The following EEF2K variants were observed in gnomAD, a reference collection of about 807,000 sequenced individuals.
The protein encoded by EEF2K is eukaryotic elongation factor 2 kinase.
In EEF2K, 70 loss-of-function variants were observed where a neutral mutation model predicts 93.8. The observed-to-expected ratio is 0.75, with a 90% CI of 0.62 to 0.91. The LOEUF (loss-of-function observed/expected upper bound fraction) is 0.91, where lower values mean the gene tolerates loss of function less well. Ranked by LOEUF, EEF2K falls within the 40% of genes least tolerant of loss-of-function variation. The probability of loss-of-function intolerance (pLI) is 0.00; values close to 1 mark genes in which losing one functional copy is unlikely to be tolerated. For missense variants in EEF2K, 935 were observed against 972.9 expected, an observed-to-expected ratio of 0.96 and a Z score of 0.52; for synonymous variants, 376 against 380.8, an observed-to-expected ratio of 0.99 and a Z score of 0.15.
At chr16:22,265,153 G>A (rs2047505004) in intron 13 of EEF2K, 4 of 358,374 alleles carry the variant, frequency 1.1e-5, no homozygotes, top group Non-Finnish European at 1.6e-5. Flanking sequence ...TTAAGTGCCT[G>A]CCATGAAGGC....
At chr16:22,268,371 A>G (rs769897328) in intron 15 of EEF2K, among the ~76,000 whole-genome samples, 1 of 151,808 alleles carries the variant, frequency 6.6e-6, no homozygotes, top group Non-Finnish European at 1.5e-5. Flanking sequence ...GAGCTTCACC[A>G]TGTTGGCCAG....
rs2047503032 is a variant in EEF2K at position 22,264,937 on chromosome 16, G to C, written c.1440+57G>C. ...CTCTTCCCTGTCTCCTCCAGGCTCT[G>C]TTGCTGTTTCTCCTGTCTCATATCT... On this transcript the variant is annotated intron_variant, in intron 13 of 17. Coordinates refer to ENST00000263026, the MANE Select transcript of EEF2K (RefSeq NM_013302.5). 4 of 1,595,304 alleles carry C rather than the reference G, an allele frequency of 2.5e-6. No homozygotes were observed. The South Asian group carries it at 4.4e-5, about 18-fold the overall frequency.
At chr16:22,263,006 T>A in intron 11 of EEF2K, 104 bp from the exon 12 acceptor site, 1 of 1,039,316 alleles carries the variant, frequency 9.6e-7, no homozygotes, top group Non-Finnish European at 1.4e-6. Flanking sequence ...TGTTAGGTAA[T>A]GGGACAGAGG....
At chr16:22,247,977 A>G (rs1466316425) in intron 3 of EEF2K, among the ~76,000 whole-genome samples, 1 of 152,184 alleles carries the variant, frequency 6.6e-6, no homozygotes, top group Non-Finnish European at 1.5e-5. Context: ...TACGGAGACC[A>G]GTTATGATCA....
intron 3 of EEF2K, among the ~76,000 whole-genome samples, chr16:22,245,377 C>G (rs909478460): frequency 6.6e-6 from 1 of 152,182 alleles, no homozygotes; most frequent in African/African-American, 2.4e-5. Flanking sequence ...CCATGTCATT[C>G]AAGCATCAAC....
intron 10 of EEF2K, 60 bp from the exon 11 acceptor site, chr16:22,260,402 T>G: frequency 6.2e-7 from 1 of 1,601,314 alleles, no homozygotes; most frequent in Non-Finnish European, 8.6e-7. Context: ...GGCCGTGGGT[T>G]GGTCTTATGC....
chr16:22,217,228 T>TAGAG (rs146522060), intron 1 of EEF2K, among the ~76,000 whole-genome samples: 2,204 of 136,064 alleles, frequency 0.016, 18 homozygotes, highest in Non-Finnish European at 0.021. Flanking sequence ...GATAGATAGA[T>TAGAG]AGAGAGAGAG....
chr16:22,278,705 T>C (rs1264183510), intron 16 of EEF2K, among the ~76,000 whole-genome samples: 1 of 152,128 alleles, frequency 6.6e-6, no homozygotes, highest in African/African-American at 2.4e-5. Flanking sequence ...ATTTGCTCTT[T>C]CCTGATATAC....
intron 6 of EEF2K, among the ~76,000 whole-genome samples, chr16:22,251,867 C>T (rs1278767479): frequency 1.3e-5 from 2 of 152,096 alleles, no homozygotes; most frequent in East Asian, 3.9e-4. Context: ...AATTACAGCT[C>T]ACTGCAGCCT....
chr16:22,209,466 T>C (rs2046894539), intron 1 of EEF2K, among the ~76,000 whole-genome samples: 1 of 152,192 alleles, frequency 6.6e-6, no homozygotes, highest in Non-Finnish European at 1.5e-5. Flanking sequence ...CAGCAGAAGC[T>C]TGGACTTGTT....
chr16:22,228,210 T>A (rs77642475), intron 2 of EEF2K, among the ~76,000 whole-genome samples: 5,801 of 152,232 alleles, frequency 0.038, 148 homozygotes, highest in Middle Eastern at 0.092. Context: ...TTTCCCTCTC[T>A]GTTGCCACAT....
chr16:22,280,064 G>T, intron 16 of EEF2K, 134 bp from the exon 17 acceptor site: 1 of 779,104 alleles, frequency 1.3e-6, no homozygotes, highest in Non-Finnish European at 1.9e-6. Flanking sequence ...TATTGGCCTT[G>T]GACAAGATAG....
rs201214793 is a variant in EEF2K, at chr16:22,225,901, A to G, written c.172A>G (p.Lys58Glu). ...CCAGAATGTCAATTCCAAGGTTAAT[A>G]AGTACTACAGCAACCTAACAAAAAG... ...SNQNVNSKVNKYYSNLTKSER... is the reference protein window; with the variant it reads ...SNQNVNSKVNEYYSNLTKSER... The change falls in exon 2 of 18, where the codon AAG (lysine) becomes GAG (glutamate). Residue 58 changes from lysine to glutamate, a missense_variant. Physicochemically the swap from Lys to Glu is moderately conservative, Grantham distance 56 (BLOSUM62 1). Transcript: ENST00000263026. 6.2e-6 allele frequency: 10 copies of G among 1,614,194 alleles called. 1 individual carries two copies. The highest frequency in any genetic ancestry group is 1.6e-4 in the Middle Eastern group (1 of 6,062).
intron 11 of EEF2K, 121 bp downstream of exon 11, chr16:22,260,650 G>A: frequency 8.4e-7 from 1 of 1,192,804 alleles, no homozygotes; most frequent in Non-Finnish European, 1.2e-6. Flanking sequence ...CTGCCAGGAG[G>A]GCACAGAATG....
At chr16:22,218,773 G>A (rs1033464339) in intron 1 of EEF2K, among the ~76,000 whole-genome samples, 1 of 152,038 alleles carries the variant, frequency 6.6e-6, no homozygotes, top group African/African-American at 2.4e-5. Context: ...CCAGTTAGTG[G>A]TAGAGATGGG....
In EEF2K at chr16:22,248,783, G is replaced by T; in HGVS notation, c.376G>T (p.Asp126Tyr). The part of the protein sequence containing the change: ...RYNAVTGEWL[D>Y]DEVLIKMASQ... Reference sequence around the variant, plus strand: ...CAACGCCGTCACCGGGGAATGGCTGGATGATGAAGTTCTGATCAAGATGGC... The same window carrying T: ...CAACGCCGTCACCGGGGAATGGCTGTATGATGAAGTTCTGATCAAGATGGC... The change falls in exon 4 of 18, where the codon GAT becomes TAT. Residue 126 changes from aspartate to tyrosine, a missense_variant. Asp to Tyr is a radical substitution (Grantham distance 160, BLOSUM62 -3). Coordinates refer to ENST00000263026, the MANE Select transcript of EEF2K (RefSeq NM_013302.5). 2 of 1,614,014 alleles carry T rather than the reference G, an allele frequency of 1.2e-6. No individual in the cohort carries two copies. The highest frequency in any genetic ancestry group is 2.2e-5 in the East Asian group (1 of 44,874).
chr16:22,243,398 T>C (rs1015472169), intron 2 of EEF2K, among the ~76,000 whole-genome samples: 24 of 151,700 alleles, frequency 1.6e-4, no homozygotes, highest in African/African-American at 5.6e-4. Context: ...ATTACAAGCG[T>C]GTGCCACCAT....
At chr16:22,259,848 G>A (rs2047445248) in intron 10 of EEF2K, among the ~76,000 whole-genome samples, 1 of 152,040 alleles carries the variant, frequency 6.6e-6, no homozygotes, top group Non-Finnish European at 1.5e-5. Context: ...TACCTCCTGG[G>A]TTCAAGCGAT....
intron 11 of EEF2K, among the ~76,000 whole-genome samples, chr16:22,261,368 G>T (rs2047460206): frequency 6.8e-6 from 1 of 147,986 alleles, no homozygotes; most frequent in Non-Finnish European, 1.5e-5. Context: ...GCGAGATCTT[G>T]TCTCAAAAAA....
Sources: allele counts gnomAD v4.1 joint callset (sites outside exome capture counted in the v4.1 genomes callset), GRCh38; gene constraint gnomAD v4.1.1; transcripts MANE v1.5; gene names NCBI Gene and HGNC (gene_info 2026-07-23, HGNC 2026-07-21).